Variants in RERG observed in about 807,000 individuals in gnomAD.
The protein encoded by RERG is ras-related and estrogen-regulated growth inhibitor.
A neutral mutation model predicts 23.2 loss-of-function variants in RERG; 25 were observed. The observed-to-expected ratio is 1.08, with a 90% CI of 0.79 to 1.50. The LOEUF is 1.50. RERG is among the 40% of genes most tolerant of loss of function. The pLI, the probability that RERG is intolerant of heterozygous loss-of-function variation, is 0.00. For synonymous variants in RERG, 81 were observed against 89.1 expected (o/e 0.91, Z 0.51); for missense variants, 253 against 250.1 (o/e 1.01, Z -0.08).
chr12:15,169,723 T>C (rs969604106), intron 2 of RERG, among the ~76,000 whole-genome samples: 1 of 152,166 alleles, frequency 6.6e-6, no homozygotes, highest in African/African-American at 2.4e-5. Flanking sequence ...GGATTCCCTC[T>C]CAGATATGTA....
rs928065353 is a variant in RERG, at chr12:15,177,251, G to A, written c.61+40178C>T. 6.6e-5 allele frequency among the ~76,000 whole-genome samples: 10 copies of A among 152,218 alleles called. No homozygotes were observed. In the East Asian group the frequency reaches 1.5e-3, roughly 24 times the overall value. Reference sequence around the variant, plus strand: ...TCAGATCACCTGAGGTCAAGAGTTCGAGACCAGCCTGGCCAACATGGCAAA... The same window carrying A: ...TCAGATCACCTGAGGTCAAGAGTTCAAGACCAGCCTGGCCAACATGGCAAA... On this transcript the variant is annotated intron_variant, in intron 2 of 4. Coordinates refer to ENST00000256953, the MANE Select transcript of RERG (RefSeq NM_032918.3).
chr12:15,159,022 T>C (rs1411585680), intron 2 of RERG, among the ~76,000 whole-genome samples: 2 of 152,256 alleles, frequency 1.3e-5, no homozygotes, highest in Admixed American at 1.3e-4. Flanking sequence ...TGGTGACTCC[T>C]GCCTGAATCA....
At chr12:15,186,607 GA>G (rs1360022264) in intron 2 of RERG, among the ~76,000 whole-genome samples, 1 of 151,854 alleles carries the variant, frequency 6.6e-6, no homozygotes, top group East Asian at 1.9e-4. Flanking sequence ...AGGAGGAAGT[GA>G]AAAAGGAGGA....
chr12:15,151,293 A>G (rs2136107602), intron 2 of RERG, among the ~76,000 whole-genome samples: 1 of 152,352 alleles, frequency 6.6e-6, no homozygotes, highest in Non-Finnish European at 1.5e-5. Context: ...TTTAAATGGA[A>G]AACATGCCTA....
chr12:15,204,683 A>C (rs1348859682), intron 2 of RERG, among the ~76,000 whole-genome samples: 7 of 151,788 alleles, frequency 4.6e-5, no homozygotes, highest in Admixed American at 4.6e-4. Flanking sequence ...AATATTTCTC[A>C]CTGATTTCTG....
Position 15,109,071 on chromosome 12 carries a change from G to A in RERG, c.*39C>T. ...TTTTGAAAGGGGAACAGAAGGGGAAGAGTGTTTCCAATTAGTTGGTCCACC... is the reference window on the plus strand; with the variant it reads ...TTTTGAAAGGGGAACAGAAGGGGAAAAGTGTTTCCAATTAGTTGGTCCACC... On this transcript the variant is annotated 3_prime_UTR_variant, in exon 5 of 5. Coordinates refer to ENST00000256953, the MANE Select transcript of RERG (RefSeq NM_032918.3). 1 of 1,495,004 alleles carries A rather than the reference G, an allele frequency of 6.7e-7. No individual in the cohort carries two copies. The highest frequency in any genetic ancestry group is 9.0e-7 in the Non-Finnish European group (1 of 1,114,066). The allele number at this position is 1,495,004 out of a possible 1,614,324, so 92.6% of individuals were successfully genotyped here. A position where few individuals can be genotyped will look rare whatever the true frequency, so the allele number is the denominator to read the frequency against.
intron 2 of RERG, among the ~76,000 whole-genome samples, chr12:15,214,016 G>A (rs1326799597): frequency 4.5e-5 from 6 of 132,516 alleles, no homozygotes; most frequent in African/African-American, 1.8e-4. Flanking sequence ...GTGTGTGTGT[G>A]TGTGTGTGTG....
intron 2 of RERG, among the ~76,000 whole-genome samples, chr12:15,211,458 G>T (rs1434028827): frequency 6.6e-6 from 1 of 152,114 alleles, no homozygotes; most frequent in Non-Finnish European, 1.5e-5. Flanking sequence ...TGATCTCACT[G>T]ATATGTGGAA....
intron 2 of RERG, chr12:15,155,339 G>C (rs1405557443): frequency 6.6e-6 from 1 of 152,184 alleles, no homozygotes; most frequent in African/African-American, 2.4e-5. Flanking sequence ...ACAACTTAAG[G>C]TTTCCGCAAA....
At chr12:15,188,791 A>C (rs1029983914) in intron 2 of RERG, among the ~76,000 whole-genome samples, 1 of 152,160 alleles carries the variant, frequency 6.6e-6, no homozygotes, top group African/African-American at 2.4e-5. Context: ...CTTAGAGATA[A>C]GTAAATATGC....
At chr12:15,122,799 T>C (rs7964098) in intron 2 of RERG, among the ~76,000 whole-genome samples, 17,947 of 150,594 alleles carry the variant, frequency 0.12, 1,138 homozygotes, top group African/African-American at 0.12. Flanking sequence ...TTTTTTTTTT[T>C]GTTTTTTGTT....
chr12:15,168,675 G>T (rs1356376985), intron 2 of RERG, among the ~76,000 whole-genome samples: 1 of 152,164 alleles, frequency 6.6e-6, no homozygotes, highest in Non-Finnish European at 1.5e-5. Flanking sequence ...TGTGCTGCTG[G>T]TTCCTACTTG....
At chr12:15,137,911 G>A (rs922684620) in intron 2 of RERG, 2 of 438,744 alleles carry the variant, frequency 4.6e-6, no homozygotes, top group Non-Finnish European at 9.2e-6. Flanking sequence ...CTCCTTCTCT[G>A]AAGAATGTAT....
At chr12:15,151,367 A>G (rs1215277932) in intron 2 of RERG, among the ~76,000 whole-genome samples, 4 of 152,232 alleles carry the variant, frequency 2.6e-5, no homozygotes, top group African/African-American at 9.6e-5. Flanking sequence ...AACCATTTAC[A>G]TAAACATACC....
At chr12:15,121,712 G>A (rs567972359) in intron 2 of RERG, among the ~76,000 whole-genome samples, 3 of 152,258 alleles carry the variant, frequency 2.0e-5, no homozygotes, top group South Asian at 2.1e-4. Context: ...CAATCCTCAC[G>A]TCATCTTTAT....
At chr12:15,186,827 C>G (rs1055633744) in intron 2 of RERG, among the ~76,000 whole-genome samples, 9 of 152,166 alleles carry the variant, frequency 5.9e-5, no homozygotes, top group African/African-American at 2.2e-4. Flanking sequence ...ATTAATGGAG[C>G]AGCTGGGAAG....
chr12:15,116,515 A>G (rs186829884), intron 3 of RERG, among the ~76,000 whole-genome samples: 210 of 152,360 alleles, frequency 1.4e-3, no homozygotes, highest in Non-Finnish European at 2.0e-3. Context: ...TAACTGAAAC[A>G]AAAAGGATAA....
chr12:15,217,661 T>C (rs1320283226), intron 1 of RERG, 58 bp from the exon 2 acceptor site: 1 of 581,704 alleles, frequency 1.7e-6, no homozygotes, highest in East Asian at 2.9e-5. Context: ...TAATATTTAT[T>C]GAGCATCTAC....
intron 2 of RERG, chr12:15,217,181 C>G (rs151305470): frequency 0.01 from 3,859 of 380,614 alleles, 22 homozygotes; most frequent in Non-Finnish European, 0.014. Flanking sequence ...ATCAGAATGC[C>G]AAGACCTCTG....
Sources: allele counts gnomAD v4.1 joint callset (sites outside exome capture counted in the v4.1 genomes callset), GRCh38; gene constraint gnomAD v4.1.1; transcripts MANE v1.5; gene names NCBI Gene and HGNC (gene_info 2026-07-23, HGNC 2026-07-21).